The following SEMA5A variants were observed in gnomAD, a reference collection of about 807,000 sequenced individuals.
The protein encoded by SEMA5A is semaphorin-5A.
Under a neutral mutation model 135.5 loss-of-function variants are expected in SEMA5A, and 55 were observed. The observed-to-expected ratio is 0.41, with a 90% confidence interval of 0.33 to 0.51. The LOEUF is 0.51. Ranked by LOEUF, SEMA5A falls within the 20% of genes least tolerant of loss-of-function variation. The pLI is 0.37. For synonymous variants in SEMA5A, 580 were observed against 546.5 expected (o/e 1.06, Z -0.85); for missense variants, 1,290 against 1,419.9 (o/e 0.91, Z 1.47).
intron 2 of SEMA5A, among the ~76,000 whole-genome samples, chr5:9,397,270 A>T (rs1217797146): frequency 1.3e-5 from 2 of 152,188 alleles, no homozygotes; most frequent in African/African-American, 4.8e-5. Flanking sequence ...ACACACAAAA[A>T]CACTTTCATA....
chr5:9,054,047 A>G (rs1736746496), intron 19 of SEMA5A, 40 bp downstream of exon 19: 4 of 1,561,804 alleles, frequency 2.6e-6, no homozygotes, highest in Non-Finnish European at 2.6e-6. Context: ...AAAGAGGCCA[A>G]TTTGTCTGAA....
At position 9,243,276 on chromosome 5, in the gene SEMA5A, C is replaced by T. The variant is rs189760360; in HGVS notation, c.271-5386G>A. Among the ~76,000 whole-genome samples, 346 of 152,258 alleles carry T rather than the reference C, an allele frequency of 2.3e-3. 5 individuals carry two copies. Among genetic ancestry groups the T allele is most frequent in the African/African-American group, 7.9e-3 (329 of 41,558 alleles). On this transcript the variant is annotated intron_variant, in intron 5 of 22. Coordinates refer to ENST00000382496, the MANE Select transcript of SEMA5A (RefSeq NM_003966.3). The stretch of plus-strand genomic sequence containing the variant: ...GCCGCTGACCTGTGGTACGACTTGG[C>T]TTACAGGGCATCACTGGAACCTCTG...
intron 2 of SEMA5A, among the ~76,000 whole-genome samples, chr5:9,426,833 CAAACA>C (rs1368466820): frequency 6.6e-6 from 1 of 152,064 alleles, no homozygotes; most frequent in Admixed American, 6.5e-5. Context: ...AGTTAGAAAA[CAAACA>C]AAACACTTAA....
At chr5:9,217,439 G>A (rs916903928) in intron 8 of SEMA5A, among the ~76,000 whole-genome samples, 3 of 151,924 alleles carry the variant, frequency 2.0e-5, no homozygotes, top group East Asian at 1.9e-4. Context: ...CTTTCATTTC[G>A]ACCATGGAAA....
chr5:9,048,863 A>G (rs970358667), intron 21 of SEMA5A, among the ~76,000 whole-genome samples: 3 of 152,222 alleles, frequency 2.0e-5, no homozygotes, highest in Admixed American at 2.0e-4. Flanking sequence ...TTGCATATTC[A>G]TCTTGTAGTT....
chr5:9,161,808 C>T (rs930350249), intron 11 of SEMA5A, among the ~76,000 whole-genome samples: 13 of 152,216 alleles, frequency 8.5e-5, no homozygotes, highest in African/African-American at 3.1e-4. Context: ...AGAGGTCCTT[C>T]TCTATAAGTG....
chr5:9,388,637 C>T (rs962789157), intron 2 of SEMA5A, among the ~76,000 whole-genome samples: 4 of 152,144 alleles, frequency 2.6e-5, no homozygotes, highest in African/African-American at 2.4e-5. Flanking sequence ...TGGTGGCTCA[C>T]GCCTGTAATC....
At chr5:9,429,384 T>A (rs1166954141) in intron 2 of SEMA5A, among the ~76,000 whole-genome samples, 5 of 152,198 alleles carry the variant, frequency 3.3e-5, no homozygotes, top group Admixed American at 2.6e-4. Context: ...TCTTATTACA[T>A]CTTAGTCCCT....
At chr5:9,457,505 C>A (rs1051950123) in intron 1 of SEMA5A, among the ~76,000 whole-genome samples, 4 of 152,188 alleles carry the variant, frequency 2.6e-5, no homozygotes, top group Non-Finnish European at 4.4e-5. Context: ...ATCATCATAA[C>A]AAACAAATAT....
chr5:9,508,056 G>GGGAA (rs1309785395), intron 1 of SEMA5A, among the ~76,000 whole-genome samples: 2 of 152,082 alleles, frequency 1.3e-5, no homozygotes, highest in Non-Finnish European at 2.9e-5. Context: ...AGCTGGCTTG[G>GGGAA]GGAAGCATTT....
intron 16 of SEMA5A, among the ~76,000 whole-genome samples, chr5:9,095,176 C>T (rs146129825): frequency 6.0e-4 from 91 of 152,130 alleles, no homozygotes; most frequent in African/African-American, 2.0e-3. Context: ...TGTTCTCACT[C>T]ATAAGTGAGA....
chr5:9,353,925 A>G (rs1040342004), intron 3 of SEMA5A, among the ~76,000 whole-genome samples: 2 of 151,986 alleles, frequency 1.3e-5, no homozygotes, highest in Non-Finnish European at 2.9e-5. Flanking sequence ...AGCAGCCCCA[A>G]GTCAAACACC....
At chr5:9,468,575 C>T (rs1004785145) in intron 1 of SEMA5A, among the ~76,000 whole-genome samples, 7 of 54,548 alleles carry the variant, frequency 1.3e-4, no homozygotes, top group Admixed American at 4.0e-4. Context: ...TAAGTGATTT[C>T]TGGTAACACT....
chr5:9,294,915 A>G (rs1290443294), intron 5 of SEMA5A, among the ~76,000 whole-genome samples: 1 of 152,044 alleles, frequency 6.6e-6, no homozygotes, highest in Non-Finnish European at 1.5e-5. Context: ...CCTTTCAAAT[A>G]CCCACAAGAA....
intron 1 of SEMA5A, among the ~76,000 whole-genome samples, chr5:9,442,415 G>A (rs563156312): frequency 2.0e-5 from 3 of 152,292 alleles, no homozygotes; most frequent in South Asian, 2.1e-4. Flanking sequence ...TCAGAAGCTC[G>A]TGACTAGCCT....
chr5:9,232,970 G>T (rs1270223701), intron 6 of SEMA5A, among the ~76,000 whole-genome samples: 9 of 152,154 alleles, frequency 5.9e-5, no homozygotes. Context: ...TTCTTCTCCT[G>T]TTCACTAGGA....
intron 1 of SEMA5A, among the ~76,000 whole-genome samples, chr5:9,524,721 C>T (rs558246285): frequency 2.4e-4 from 37 of 152,248 alleles, no homozygotes; most frequent in African/African-American, 8.7e-4. Context: ...CCCTTGGTCA[C>T]AATATCAGTC....
Position 9,202,094 on chromosome 5 carries a change from C to T in SEMA5A, c.793G>A (p.Glu265Lys). Residue 265 changes from glutamate to lysine, a missense_variant, in exon 9 of 23, where the codon GAA becomes AAA. Around this residue, in one of 3 missense-constraint regions of SEMA5A, gnomAD observed 1,029 missense variants for 1,086.6 expected, o/e 0.95. Transcript: ENST00000382496. ...TTCATGAATGTGGTCCAGGTGTCTT[C>T]CAGCAGGAAGCGCCCACCAATATCG... ...KNDIGGRFLL[E>K]DTWTTFMKAR... 6.2e-7 allele frequency: 1 copy of T among 1,614,144 alleles called. No individual in the cohort carries two copies. The highest frequency in any genetic ancestry group is 8.5e-7 in the Non-Finnish European group (1 of 1,180,012).
At chr5:9,189,769 C>G (rs1045502235) in intron 11 of SEMA5A, among the ~76,000 whole-genome samples, 2 of 152,210 alleles carry the variant, frequency 1.3e-5, no homozygotes, top group African/African-American at 2.4e-5. Flanking sequence ...GAAAGTATCA[C>G]TGCCTACATT....
Sources: gnomAD v4.1 joint callset for allele counts (sites outside exome capture counted in the v4.1 genomes callset) on GRCh38, gnomAD v4.1.1 for gene constraint, gnomAD v4.1.1 regional missense constraint, MANE v1.5 for transcripts, NCBI Gene and HGNC (gene_info 2026-07-23, HGNC 2026-07-21) for gene names.